The following DPP6 variants were observed in gnomAD, a reference collection of about 807,000 sequenced individuals.
The protein encoded by DPP6 is dipeptidyl peptidase like 6.
In DPP6, 69 loss-of-function variants were observed where a neutral mutation model predicts 122.6. The ratio of observed to expected loss-of-function variants is 0.56; its 90% CI spans 0.46 to 0.69. The LOEUF is 0.69. Among genes scored for constraint, DPP6 ranks in the 30% least tolerant of loss-of-function variants. The pLI is 0.00. For missense variants in DPP6, 928 were observed against 1,116.9 expected (o/e 0.83, Z 2.41); for synonymous variants, 418 against 433.1 (o/e 0.97, Z 0.43).
intron 1 of DPP6, among the ~76,000 whole-genome samples, chr7:154,428,512 A>T (rs772777521): frequency 7.9e-5 from 12 of 152,206 alleles, no homozygotes; most frequent in Admixed American, 3.3e-4. Flanking sequence ...TACCCAAAGG[A>T]AGAGAAGTCG....
intron 1 of DPP6, among the ~76,000 whole-genome samples, chr7:154,121,814 C>G (rs892744083): frequency 2.0e-5 from 3 of 152,174 alleles, no homozygotes; most frequent in Non-Finnish European, 4.4e-5. Flanking sequence ...GTGTTCCCAC[C>G]AGAGCATGCC....
chr7:154,567,430 A>T (rs1032262279), intron 5 of DPP6, among the ~76,000 whole-genome samples: 9 of 152,186 alleles, frequency 5.9e-5, no homozygotes, highest in Non-Finnish European at 1.2e-4. Context: ...AATTTTCTGT[A>T]AAATCTCACT....
chr7:154,093,549 T>C (rs556941988), intron 1 of DPP6, among the ~76,000 whole-genome samples: 2 of 141,928 alleles, frequency 1.4e-5, no homozygotes, highest in South Asian at 2.3e-4. Context: ...ACAAACACTG[T>C]ATACCATACA....
intron 1 of DPP6, among the ~76,000 whole-genome samples, chr7:153,970,660 A>G (rs1487359612): frequency 6.6e-6 from 1 of 152,176 alleles, no homozygotes; most frequent in Admixed American, 6.5e-5. Flanking sequence ...TTCATGTTAA[A>G]TTTTGTAGAT....
intron 8 of DPP6, among the ~76,000 whole-genome samples, chr7:154,758,520 CA>C (rs1795301500): frequency 6.6e-6 from 1 of 151,876 alleles, no homozygotes; most frequent in Admixed American, 6.6e-5. Flanking sequence ...TACAGGCATG[CA>C]CCGCCACGTC....
chr7:153,825,365 C>T, the DPP6 span, among the ~76,000 whole-genome samples: 1 of 152,038 alleles, frequency 6.6e-6, no homozygotes, highest in African/African-American at 2.4e-5. Flanking sequence ...TATTCCCAAT[C>T]CCCTTTGAAG....
At chr7:154,041,438 T>G (rs900254280) in intron 1 of DPP6, among the ~76,000 whole-genome samples, 45 of 152,338 alleles carry the variant, frequency 3.0e-4, no homozygotes, top group African/African-American at 9.6e-4. Context: ...TAACAACTGA[T>G]TGGCCCTCTC....
chr7:154,252,076 C>T (rs1428555205), intron 1 of DPP6, among the ~76,000 whole-genome samples: 1 of 152,168 alleles, frequency 6.6e-6, no homozygotes, highest in Non-Finnish European at 1.5e-5. Flanking sequence ...CTAGCAGTGG[C>T]CTTTCATGGT....
At chr7:153,804,774 C>T in the DPP6 span, among the ~76,000 whole-genome samples, 1 of 151,996 alleles carries the variant, frequency 6.6e-6, no homozygotes, top group African/African-American at 2.4e-5. Context: ...ATCCCAGCTA[C>T]TCGGGAGGCT....
At chr7:154,321,618 C>A (rs1368953329) in intron 1 of DPP6, among the ~76,000 whole-genome samples, 2 of 151,580 alleles carry the variant, frequency 1.3e-5, no homozygotes, top group Non-Finnish European at 2.9e-5. Flanking sequence ...CCCGTCTCTA[C>A]TAAAAATACA....
chr7:154,684,662 G>A (rs62475193), intron 7 of DPP6, among the ~76,000 whole-genome samples: 11,767 of 152,182 alleles, frequency 0.077, 558 homozygotes, highest in East Asian at 0.2. Flanking sequence ...CCATGACACC[G>A]TGTTCAAACC....
chr7:154,653,592 T>G (rs543331798), intron 6 of DPP6, among the ~76,000 whole-genome samples: 3 of 151,830 alleles, frequency 2.0e-5, no homozygotes, highest in Non-Finnish European at 2.9e-5. Context: ...TGATAGATAA[T>G]AGACTGATTG....
intron 7 of DPP6, among the ~76,000 whole-genome samples, chr7:154,675,498 G>A (rs1838843432): frequency 6.6e-6 from 1 of 152,200 alleles, no homozygotes; most frequent in African/African-American, 2.4e-5. Flanking sequence ...TGTGGCCAGC[G>A]ATTGCCATGG....
intron 1 of DPP6, among the ~76,000 whole-genome samples, chr7:154,371,411 AAG>A (rs1245585657): frequency 6.8e-6 from 1 of 146,536 alleles, no homozygotes; most frequent in African/African-American, 2.7e-5. Context: ...AAAAGAAAGA[AAG>A]AAAGAAAGAC....
chr7:153,811,003 A>G, the DPP6 span, among the ~76,000 whole-genome samples: 1 of 151,882 alleles, frequency 6.6e-6, no homozygotes, highest in Non-Finnish European at 1.5e-5. Flanking sequence ...AATTTAACAC[A>G]CAGCGGCAAA....
chr7:153,860,864 GA>G, the DPP6 span, among the ~76,000 whole-genome samples: 1 of 152,210 alleles, frequency 6.6e-6, no homozygotes, highest in South Asian at 2.1e-4. Flanking sequence ...TTGTCATAGA[GA>G]CACACAAATA....
At chr7:154,355,352 T>C (rs528195903) in intron 1 of DPP6, among the ~76,000 whole-genome samples, 1 of 152,226 alleles carries the variant, frequency 6.6e-6, no homozygotes, top group Non-Finnish European at 1.5e-5. Flanking sequence ...TTTTTCACAA[T>C]GGTGTCTTTT....
chr7:154,055,902 A>G (rs3179887), intron 1 of DPP6: 101,667 of 152,132 alleles, frequency 0.67, 34,577 homozygotes, highest in African/African-American at 0.8. Context: ...AATCCTTAGG[A>G]CTTTGTACCT....
intron 7 of DPP6, among the ~76,000 whole-genome samples, chr7:154,703,812 C>T (rs779833950): frequency 2.6e-5 from 4 of 151,878 alleles, no homozygotes; most frequent in Admixed American, 2.6e-4. Flanking sequence ...TGGTGGGAGC[C>T]TGTAGTCCCA....
Sources: allele counts gnomAD v4.1 joint callset (sites outside exome capture counted in the v4.1 genomes callset), GRCh38; gene constraint gnomAD v4.1.1; transcripts MANE v1.5; gene names NCBI Gene and HGNC (gene_info 2026-07-23, HGNC 2026-07-21).